Variants in GREM2 observed in about 807,000 individuals in gnomAD.
The protein encoded by GREM2 is gremlin-2.
GREM2 carries 11 observed loss-of-function variants against 14.2 expected under a neutral mutation model. That is an observed-to-expected ratio of 0.78 (90% confidence interval 0.49 to 1.28). GREM2 has a LOEUF of 1.28. Among genes scored for constraint, GREM2 ranks in the 50% most tolerant of loss-of-function variants. GREM2 has a pLI of 0.00. For synonymous variants in GREM2, 98 were observed against 97.6 expected (o/e 1.00, Z -0.02); for missense variants, 210 against 218.5 (o/e 0.96, Z 0.24).
chr1:240,556,687 C>T (rs2103344758), intron 1 of GREM2, among the ~76,000 whole-genome samples: 1 of 151,936 alleles, frequency 6.6e-6, no homozygotes, highest in South Asian at 2.1e-4. Context: ...AAGCATTATT[C>T]AGAGAATAAG....
At position 240,578,271 on chromosome 1, in the gene GREM2, G is replaced by A. The variant is rs574030725; in HGVS notation, c.-2+33613C>T. Among the ~76,000 whole-genome samples the A allele has an allele frequency of 3.3e-5, 5 of 152,008 alleles. No homozygotes were observed. In the East Asian group the frequency reaches 7.8e-4, roughly 24 times the overall value. The stretch of plus-strand genomic sequence containing the variant: ...CTTCCGAGTAGCTGGGACTACAGGC[G>A]CCTGCCACCATGCCTGGCTACTTTT... On this transcript the variant is annotated intron_variant, in intron 1 of 1. Coordinates refer to ENST00000318160, the MANE Select transcript of GREM2 (RefSeq NM_022469.4).
intron 1 of GREM2, among the ~76,000 whole-genome samples, chr1:240,597,378 G>A (rs185094413): frequency 2.2e-4 from 33 of 152,276 alleles, no homozygotes; most frequent in Non-Finnish European, 3.4e-4. Context: ...ATGCTGTCAC[G>A]ACAACAAAAC....
intron 1 of GREM2, among the ~76,000 whole-genome samples, chr1:240,563,226 C>T (rs1370357560): frequency 5.3e-5 from 8 of 150,636 alleles, no homozygotes; most frequent in South Asian, 2.1e-4. Context: ...TTTGAGTGTG[C>T]GTGAGAGTGT....
At chr1:240,495,967 T>G (rs918477994) in intron 1 of GREM2, among the ~76,000 whole-genome samples, 1 of 151,666 alleles carries the variant, frequency 6.6e-6, no homozygotes, top group African/African-American at 2.4e-5. Flanking sequence ...TGATGGAGTC[T>G]CACTCTGTCA....
At position 240,538,600 on chromosome 1, in the gene GREM2, C is replaced by T. The variant is rs185049703; in HGVS notation, c.-1-45124G>A. Among the ~76,000 whole-genome samples, 145 of 152,012 alleles carry T rather than the reference C, an allele frequency of 9.5e-4. 2 individuals carry two copies. Among genetic ancestry groups the T allele is most frequent in the African/African-American group, 3.0e-3 (123 of 41,456 alleles). ...AGGCATGGTGGTGTGTGCCTATAGTCCCAGCGACTTGGGAGACTGAGGTGG... is the reference window on the plus strand; with the variant it reads ...AGGCATGGTGGTGTGTGCCTATAGTTCCAGCGACTTGGGAGACTGAGGTGG... On this transcript the variant is annotated intron_variant, in intron 1 of 1. Transcript: ENST00000318160.
chr1:240,582,298 G>A (rs1679499535), intron 1 of GREM2, among the ~76,000 whole-genome samples: 1 of 152,102 alleles, frequency 6.6e-6, no homozygotes, highest in African/African-American at 2.4e-5. Context: ...TAGCTGAGGT[G>A]GTGGCACATG....
rs531529735 is a variant in GREM2 at position 240,494,769 on chromosome 1, C to T, written c.-1-1293G>A. ...ACAAAAAATTAGCCAGGCGTGGTGGCGGGCGCCTGTAGTCCCAGCTACTTG... is the reference window on the plus strand; with the variant it reads ...ACAAAAAATTAGCCAGGCGTGGTGGTGGGCGCCTGTAGTCCCAGCTACTTG... On this transcript the variant is annotated intron_variant, in intron 1 of 1. Coordinates refer to ENST00000318160, the MANE Select transcript of GREM2 (RefSeq NM_022469.4). 4.3e-4 allele frequency among the ~76,000 whole-genome samples: 66 copies of T among 152,090 alleles called. 1 individual carries two copies. In the South Asian group the frequency reaches 0.011, roughly 25 times the overall value.
chr1:240,547,902 G>A (rs1262802760), intron 1 of GREM2, among the ~76,000 whole-genome samples: 1 of 152,028 alleles, frequency 6.6e-6, no homozygotes, highest in Admixed American at 6.6e-5. Flanking sequence ...ATGCATGAGA[G>A]AATACTAAAT....
intron 1 of GREM2, among the ~76,000 whole-genome samples, chr1:240,574,719 G>A (rs1679325193): frequency 1.3e-5 from 2 of 152,064 alleles, no homozygotes; most frequent in South Asian, 4.2e-4. Context: ...CAGTCTTGGT[G>A]ATCAGTATGG....
intron 1 of GREM2, among the ~76,000 whole-genome samples, chr1:240,537,327 T>C (rs1442277208): frequency 6.6e-6 from 1 of 152,136 alleles, no homozygotes; most frequent in Non-Finnish European, 1.5e-5. Context: ...TAGTTAGTTG[T>C]GGAGGGAGAT....
chr1:240,492,954 C>T lies in GREM2; in HGVS notation c.*15G>A, dbSNP rs749943674. ...GCCGGGCGCGCGCGGGGCTGAGCTG[C>T]GTCCGGCCCGGCGCTCACTGCTTGT... On this transcript the variant is annotated 3_prime_UTR_variant, in exon 2 of 2. Coordinates refer to ENST00000318160, the MANE Select transcript of GREM2 (RefSeq NM_022469.4). 3.5e-5 allele frequency: 52 copies of T among 1,499,402 alleles called. No homozygotes were observed. The highest frequency in any genetic ancestry group is 6.6e-5 in the Admixed American group (3 of 45,118). The allele number at this position is 1,499,402 out of a possible 1,614,324, so 92.9% of individuals were successfully genotyped here.
At position 240,492,566 on chromosome 1, in the gene GREM2, C is replaced by T. The variant is rs558677398; in HGVS notation, c.*403G>A. On this transcript the variant is annotated 3_prime_UTR_variant, in exon 2 of 2. Transcript: ENST00000318160. ...GAAAAGTGACGCATCCTTCACTTCG[C>T]GCGGGAAAGGGGCGAGCTGGAGTGC... is the stretch of plus-strand genomic sequence containing the variant. 3.7e-5 allele frequency: 6 copies of T among 162,404 alleles called. No homozygotes were observed. The South Asian group carries it at 8.7e-4, about 24-fold the overall frequency. The allele number at this position is 162,404 out of a possible 1,614,324, so 10.1% of individuals were successfully genotyped here. A position where few individuals can be genotyped will look rare whatever the true frequency, so the allele number is the denominator to read the frequency against.
intron 1 of GREM2, among the ~76,000 whole-genome samples, chr1:240,577,736 G>A (rs17687047): frequency 0.1 from 15,206 of 152,184 alleles, 996 homozygotes; most frequent in Middle Eastern, 0.25. Context: ...CAGTATTAGC[G>A]ATTTTTAAAT....
intron 1 of GREM2, among the ~76,000 whole-genome samples, chr1:240,506,579 C>T (rs574673163): frequency 3.3e-5 from 5 of 152,048 alleles, no homozygotes; most frequent in East Asian, 1.9e-4. Flanking sequence ...ATGGGAGTTA[C>T]GGGAAAAGTG....
chr1:240,549,541 C>A (rs1327615609), intron 1 of GREM2, among the ~76,000 whole-genome samples: 1 of 151,976 alleles, frequency 6.6e-6, no homozygotes, highest in Non-Finnish European at 1.5e-5. Context: ...ATTAAAGACA[C>A]AACAAAAAAA....
chr1:240,578,784 AAAAATAAAAT>A (rs150700705), intron 1 of GREM2, among the ~76,000 whole-genome samples: 15 of 147,102 alleles, frequency 1.0e-4, no homozygotes, highest in South Asian at 2.2e-4. Flanking sequence ...ACTCAGTCTC[AAAAATAAAAT>A]AAAATAAAAT....
At chr1:240,506,592 GA>G (rs1012665398) in intron 1 of GREM2, among the ~76,000 whole-genome samples, 2 of 152,020 alleles carry the variant, frequency 1.3e-5, no homozygotes, top group East Asian at 1.9e-4. Context: ...GAAAAGTGAA[GA>G]AAAAAAGTGT....
rs1425653016 is a variant in GREM2, at chr1:240,542,916, A to G, written c.-1-49440T>C. Reference sequence around the variant, plus strand: ...AAATTATTGATCCTCTCTGAGAAAGAAAGAGCTCTCTCCACTCTTAGAAGT... The same window carrying G: ...AAATTATTGATCCTCTCTGAGAAAGGAAGAGCTCTCTCCACTCTTAGAAGT... On this transcript the variant is annotated intron_variant, in intron 1 of 1. Transcript: ENST00000318160. This position sits in a 1 kb window ranked among gnomAD's most constrained non-coding sequence, Gnocchi z 4.1. Among the ~76,000 whole-genome samples the G allele has an allele frequency of 6.6e-6, 1 of 152,220 alleles. No individual in the cohort carries two copies. Among genetic ancestry groups the G allele is most frequent in the African/African-American group, 2.4e-5 (1 of 41,464 alleles).
chr1:240,590,943 G>T (rs546080422), intron 1 of GREM2, among the ~76,000 whole-genome samples: 1 of 151,594 alleles, frequency 6.6e-6, no homozygotes, highest in Non-Finnish European at 1.5e-5. Flanking sequence ...CTCCATGCCC[G>T]GCTAATTTTT....
Sources: gnomAD v4.1 joint callset for allele counts (sites outside exome capture counted in the v4.1 genomes callset) on GRCh38, gnomAD v4.1.1 for gene constraint, Gnocchi (gnomAD v3.1) non-coding constraint, MANE v1.5 for transcripts, NCBI Gene and HGNC (gene_info 2026-07-23, HGNC 2026-07-21) for gene names.